Variants in ZIM2 observed in about 807,000 individuals in gnomAD.
ZIM2 encodes the protein zinc finger imprinted 2, also known as zinc finger protein 656.
Under a neutral mutation model 38.6 loss-of-function variants are expected in ZIM2, and 14 were observed. The ratio of observed to expected loss-of-function variants is 0.36; its 90% CI spans 0.24 to 0.57. The LOEUF (loss-of-function observed/expected upper bound fraction) is 0.57, where lower values mean the gene tolerates loss of function less well. Ranked by LOEUF, ZIM2 falls within the 20% of genes least tolerant of loss-of-function variation. The pLI, the probability that ZIM2 is intolerant of heterozygous loss-of-function variation, is 0.81. For missense variants in ZIM2, 680 were observed against 695.1 expected (o/e 0.98, Z 0.24); for synonymous variants, 247 against 245.8 (o/e 1.00, Z -0.04).
Position 56,774,591 on chromosome 19 carries a change from A to G in ZIM2, c.*97T>C. The G allele has an allele frequency of 1.4e-6, 2 of 1,474,628 alleles. No individual in the cohort carries two copies. Among genetic ancestry groups the G allele is most frequent in the Non-Finnish European group, 1.8e-6 (2 of 1,107,190 alleles). The allele number at this position is 1,474,628 out of a possible 1,614,324, so 91.3% of individuals were successfully genotyped here. A position where few individuals can be genotyped will look rare whatever the true frequency, so the allele number is the denominator to read the frequency against. The stretch of plus-strand genomic sequence containing the variant: ...CACTTTGATGAATGTTCAAGTTGTT[A>G]ACAAGGTGGGGCTAGTGAAAGGCCT... On this transcript the variant is annotated 3_prime_UTR_variant, in exon 13 of 13. Coordinates refer to ENST00000629319, the MANE Select transcript of ZIM2 (RefSeq NM_001387356.1).
chr19:56,781,900 G>C, intron 11 of ZIM2, 53 bp downstream of exon 11: 2 of 1,580,246 alleles, frequency 1.3e-6, no homozygotes, highest in Non-Finnish European at 1.7e-6. Flanking sequence ...AAGGAGTTGA[G>C]AGCTACTGCC....
intron 12 of ZIM2, among the ~76,000 whole-genome samples, chr19:56,778,401 T>A (rs927414766): frequency 6.6e-6 from 1 of 152,106 alleles, no homozygotes; most frequent in African/African-American, 2.4e-5. Flanking sequence ...CAGACAAACG[T>A]GGAGGAGGGC....
At chr19:56,823,118 C>G (rs1002625400) in intron 5 of ZIM2, among the ~76,000 whole-genome samples, 2 of 152,192 alleles carry the variant, frequency 1.3e-5, no homozygotes, top group Non-Finnish European at 2.9e-5. Context: ...GCTGGCTTCC[C>G]AGTTCCTAAG....
chr19:56,809,036 T>G (rs1423934933), intron 9 of ZIM2, among the ~76,000 whole-genome samples: 1 of 152,170 alleles, frequency 6.6e-6, no homozygotes, highest in Non-Finnish European at 1.5e-5. Context: ...CCCCTTCAAC[T>G]GGGTTGTGGG....
chr19:56,794,074 CTGTATTATAGT>C (rs1223992930), intron 9 of ZIM2, among the ~76,000 whole-genome samples: 2 of 152,142 alleles, frequency 1.3e-5, no homozygotes, highest in African/African-American at 2.4e-5. Flanking sequence ...CATTTATTAG[CTGTATTATAGT>C]TGTAGGAAAA....
Position 56,834,101 on chromosome 19 carries a change from C to T in ZIM2, c.-227+1917G>A, listed in dbSNP as rs1279709007. 3.9e-5 allele frequency among the ~76,000 whole-genome samples: 6 copies of T among 152,168 alleles called. No homozygotes were observed. In the South Asian group the frequency reaches 1.0e-3, roughly 26 times the overall value. On this transcript the variant is annotated intron_variant, in intron 2 of 12. Transcript: ENST00000629319. ...AAGCTACTTTAAAGAGACAAAATGTCTTCCAGAACAGTATGAGTTATTTGA... is the reference window on the plus strand; with the variant it reads ...AAGCTACTTTAAAGAGACAAAATGTTTTCCAGAACAGTATGAGTTATTTGA...
chr19:56,790,574 T>C lies in ZIM2; in HGVS notation c.491-623A>G, dbSNP rs115588308. ...ATCAACTATCACGGTATCACAGTGC[T>C]TGTGTTCATGTAGACCTTATTTTAC... On this transcript the variant is annotated intron_variant, in intron 9 of 12. Transcript: ENST00000629319. 7.4e-3 allele frequency among the ~76,000 whole-genome samples: 1,128 copies of C among 152,314 alleles called. 16 individuals carry two copies. The highest frequency in any genetic ancestry group is 0.026 in the African/African-American group (1,071 of 41,556).
chr19:56,813,096 A>G (rs960943902), intron 9 of ZIM2: 13 of 984,966 alleles, frequency 1.3e-5, no homozygotes, highest in Admixed American at 1.2e-4. Context: ...AAACAAAACA[A>G]TTACTCAAAA....
At chr19:56,825,771 T>G (rs528128909) in intron 3 of ZIM2, among the ~76,000 whole-genome samples, 2 of 152,290 alleles carry the variant, frequency 1.3e-5, no homozygotes, top group East Asian at 3.9e-4. Flanking sequence ...GCAACAGAAA[T>G]TTTCTCCCTT....
chr19:56,778,006 C>T (rs1442782813), intron 12 of ZIM2, among the ~76,000 whole-genome samples: 2 of 152,140 alleles, frequency 1.3e-5, no homozygotes. Context: ...CACTCTTCCT[C>T]AAGATTTCTA....
intron 9 of ZIM2, chr19:56,798,777 A>G (rs1480447568): frequency 6.6e-6 from 1 of 152,174 alleles, no homozygotes; most frequent in African/African-American, 2.4e-5. Context: ...AAAAAAAACA[A>G]CGCCATTAAA....
chr19:56,834,347 G>A (rs1338075007), intron 2 of ZIM2, among the ~76,000 whole-genome samples: 1 of 152,122 alleles, frequency 6.6e-6, no homozygotes, highest in Non-Finnish European at 1.5e-5. Flanking sequence ...CAACATGGCT[G>A]TACCAGGCTA....
intron 9 of ZIM2, among the ~76,000 whole-genome samples, chr19:56,796,960 G>C (rs986914707): frequency 6.6e-6 from 1 of 152,180 alleles, no homozygotes; most frequent in Non-Finnish European, 1.5e-5. Context: ...CTGTGACTAC[G>C]TGAGGGTGAG....
chr19:56,789,796 T>G (rs1207100771), intron 10 of ZIM2, 76 bp downstream of exon 10: 1 of 1,295,032 alleles, frequency 7.7e-7, no homozygotes, highest in Non-Finnish European at 1.0e-6. Flanking sequence ...GTGGTTTAAT[T>G]AAATAAGGAA....
At chr19:56,816,577 C>T in intron 9 of ZIM2, 1 of 1,614,002 alleles carries the variant, frequency 6.2e-7, no homozygotes, top group South Asian at 1.1e-5. Flanking sequence ...TTTCTCTTTA[C>T]CATACATTTT....
chr19:56,823,010 C>A (rs2060647469), intron 5 of ZIM2, among the ~76,000 whole-genome samples, 174 bp from the exon 6 acceptor site: 1 of 152,204 alleles, frequency 6.6e-6, no homozygotes, highest in Admixed American at 6.5e-5. Flanking sequence ...TTATCATATA[C>A]CCGCAACATG....
chr19:56,823,452 C>A, intron 5 of ZIM2, 138 bp downstream of exon 5: 1 of 848,354 alleles, frequency 1.2e-6, no homozygotes, highest in Non-Finnish European at 1.9e-6. Context: ...TTAATTTACC[C>A]TCTCCTCAGA....
At chr19:56,832,799 A>G (rs1461614272) in intron 2 of ZIM2, among the ~76,000 whole-genome samples, 1 of 152,212 alleles carries the variant, frequency 6.6e-6, no homozygotes, top group African/African-American at 2.4e-5. Context: ...CTAGATGTCT[A>G]AACATGAAAC....
intron 9 of ZIM2, among the ~76,000 whole-genome samples, chr19:56,799,797 A>G (rs1283157869): frequency 6.6e-6 from 1 of 152,228 alleles, no homozygotes; most frequent in Non-Finnish European, 1.5e-5. Flanking sequence ...GTGTCAATCA[A>G]TAGTAGAATA....
Sources: gnomAD v4.1 joint callset for allele counts (sites outside exome capture counted in the v4.1 genomes callset) on GRCh38, gnomAD v4.1.1 for gene constraint, MANE v1.5 for transcripts, NCBI Gene and HGNC (gene_info 2026-07-23, HGNC 2026-07-21) for gene names.